Variants in FBXO4 observed in about 807,000 individuals in gnomAD.
The protein encoded by FBXO4 is F-box protein 4.
FBXO4 carries 36 observed loss-of-function variants against 43.7 expected under a neutral mutation model. The observed-to-expected ratio is 0.82, with a 90% confidence interval of 0.63 to 1.09. FBXO4 has a LOEUF of 1.09. Among genes scored for constraint, FBXO4 ranks in the 50% least tolerant of loss-of-function variants. The pLI is 0.00. For synonymous variants in FBXO4, 180 were observed against 165.6 expected (o/e 1.09, Z -0.67); for missense variants, 435 against 474.1 (o/e 0.92, Z 0.77).
chr5:41,929,556 G>A (rs1751611919), intron 2 of FBXO4, 141 bp from the exon 3 acceptor site: 1 of 644,646 alleles, frequency 1.6e-6, no homozygotes, highest in South Asian at 2.2e-5. Flanking sequence ...AAAGGTGTCT[G>A]TCTATTGTTC....
the FBXO4 span, among the ~76,000 whole-genome samples, chr5:42,038,799 T>C: frequency 1.4e-4 from 21 of 151,976 alleles, no homozygotes; most frequent in Non-Finnish European, 1.0e-4. Context: ...GCAATCATCA[T>C]TGCACTCTCT....
chr5:41,930,811 C>A (rs551435274), intron 3 of FBXO4, among the ~76,000 whole-genome samples: 1 of 152,020 alleles, frequency 6.6e-6, no homozygotes, highest in Admixed American at 6.5e-5. Flanking sequence ...CCCACCACTA[C>A]GCCTGGCTAA....
At chr5:41,984,809 C>G in the FBXO4 span, among the ~76,000 whole-genome samples, 32 of 152,268 alleles carry the variant, frequency 2.1e-4, no homozygotes, top group Non-Finnish European at 4.0e-4. Flanking sequence ...CCCTGCCCAG[C>G]CTAGCTTTCC....
At chr5:41,957,643 C>T in the FBXO4 span, among the ~76,000 whole-genome samples, 9 of 151,304 alleles carry the variant, frequency 5.9e-5, no homozygotes, top group African/African-American at 2.2e-4. Flanking sequence ...CCTATGTGTA[C>T]ACTTTTTCCA....
chr5:41,972,125 A>C, the FBXO4 span, among the ~76,000 whole-genome samples: 1 of 152,164 alleles, frequency 6.6e-6, no homozygotes, highest in Non-Finnish European at 1.5e-5. Context: ...AAGGCATCCA[A>C]ATAGGAAGAG....
At chr5:42,007,207 G>T in the FBXO4 span, among the ~76,000 whole-genome samples, 5 of 151,204 alleles carry the variant, frequency 3.3e-5, no homozygotes, top group Admixed American at 6.6e-5. Flanking sequence ...TATAAAAAAA[G>T]GACATTTGGA....
the FBXO4 span, among the ~76,000 whole-genome samples, chr5:41,959,390 C>T: frequency 6.6e-6 from 1 of 151,908 alleles, no homozygotes; most frequent in Non-Finnish European, 1.5e-5. Context: ...GAAAGTTTTT[C>T]ACTTTGGTAG....
At chr5:42,024,050 T>C in the FBXO4 span, among the ~76,000 whole-genome samples, 4 of 152,092 alleles carry the variant, frequency 2.6e-5, no homozygotes, top group East Asian at 7.7e-4. Flanking sequence ...ATTGTAAAAC[T>C]ATTTATCTAA....
At chr5:41,936,146 A>G (rs1169054048) in intron 5 of FBXO4, among the ~76,000 whole-genome samples, 1 of 152,218 alleles carries the variant, frequency 6.6e-6, no homozygotes, top group African/African-American at 2.4e-5. Flanking sequence ...ATTATGAGAC[A>G]CTCACAAAAT....
intron 3 of FBXO4, among the ~76,000 whole-genome samples, chr5:41,933,645 T>G (rs1289475589): frequency 2.0e-5 from 3 of 152,170 alleles, no homozygotes; most frequent in Non-Finnish European, 4.4e-5. Flanking sequence ...GGATAAATAG[T>G]AGTAGCTGTG....
the FBXO4 span, among the ~76,000 whole-genome samples, chr5:42,036,293 A>G: frequency 6.6e-6 from 1 of 151,902 alleles, no homozygotes; most frequent in African/African-American, 2.4e-5. Context: ...AGTTATGTCT[A>G]CAGAAGAAGT....
the FBXO4 span, among the ~76,000 whole-genome samples, chr5:41,963,567 A>G: frequency 2.6e-5 from 4 of 152,220 alleles, no homozygotes; most frequent in Non-Finnish European, 5.9e-5. Context: ...TATATTTTGT[A>G]TACGTATTTT....
chr5:41,979,805 A>G, the FBXO4 span, among the ~76,000 whole-genome samples: 16 of 152,218 alleles, frequency 1.1e-4, no homozygotes, highest in African/African-American at 3.6e-4. Flanking sequence ...AACATGCTTC[A>G]TCCTTCTGCT....
chr5:41,929,984 G>A, intron 3 of FBXO4, 67 bp downstream of exon 3: 12 of 1,260,928 alleles, frequency 9.5e-6, no homozygotes, highest in Non-Finnish European at 1.3e-5. Context: ...TAAAAAGAAA[G>A]AAATTCATTT....
At chr5:41,992,106 T>A in the FBXO4 span, among the ~76,000 whole-genome samples, 4 of 152,148 alleles carry the variant, frequency 2.6e-5, no homozygotes, top group Non-Finnish European at 5.9e-5. Context: ...TATACCTTCA[T>A]CTTCTATTTC....
the FBXO4 span, among the ~76,000 whole-genome samples, chr5:42,000,916 T>C: frequency 6.6e-6 from 1 of 152,330 alleles, no homozygotes; most frequent in East Asian, 1.9e-4. Flanking sequence ...GGGGTCTCCG[T>C]TCTGTTTCAG....
chr5:42,015,206 A>G, the FBXO4 span, among the ~76,000 whole-genome samples: 3 of 152,240 alleles, frequency 2.0e-5, no homozygotes, highest in East Asian at 1.9e-4. Context: ...AATAAATACT[A>G]TTCTTTGAAA....
At chr5:41,959,761 A>C in the FBXO4 span, among the ~76,000 whole-genome samples, 7 of 152,106 alleles carry the variant, frequency 4.6e-5, no homozygotes, top group African/African-American at 1.7e-4. Context: ...TTTAATTACT[A>C]TAATTCTCTA....
chr5:41,974,732 G>T, the FBXO4 span, among the ~76,000 whole-genome samples: 3 of 151,884 alleles, frequency 2.0e-5, no homozygotes, highest in African/African-American at 7.3e-5. Flanking sequence ...CTGTCATTTA[G>T]TTTCAACATC....
Sources: gnomAD v4.1 joint callset for allele counts (sites outside exome capture counted in the v4.1 genomes callset) on GRCh38, gnomAD v4.1.1 for gene constraint, MANE v1.5 for transcripts, NCBI Gene and HGNC (gene_info 2026-07-23, HGNC 2026-07-21) for gene names.